Variants in PPP4R4 observed in about 807,000 individuals in gnomAD.
PPP4R4 encodes protein phosphatase 4 regulatory subunit 4.
Under a neutral mutation model 121.8 loss-of-function variants are expected in PPP4R4, and 70 were observed. The ratio of observed to expected loss-of-function variants is 0.57; its 90% CI spans 0.47 to 0.70. The LOEUF (loss-of-function observed/expected upper bound fraction) is 0.70. PPP4R4 is among the 30% of genes least tolerant of loss of function. PPP4R4 has a pLI of 0.00. For synonymous variants in PPP4R4, 348 were observed against 355.7 expected (o/e 0.98, Z 0.24); for missense variants, 875 against 1,033.6 (o/e 0.85, Z 2.10).
chr14:94,268,541 A>G (rs1386993966), intron 23 of PPP4R4, among the ~76,000 whole-genome samples: 1 of 152,188 alleles, frequency 6.6e-6, no homozygotes, highest in Non-Finnish European at 1.5e-5. Context: ...TAAGTTATGT[A>G]TTTTATGAGG....
At chr14:94,247,286 C>T (rs1055087060) in intron 14 of PPP4R4, among the ~76,000 whole-genome samples, 1 of 152,214 alleles carries the variant, frequency 6.6e-6, no homozygotes, top group African/African-American at 2.4e-5. Context: ...GGGACAAGCC[C>T]AACTGGTCAG....
chr14:94,189,909 G>A (rs1330593133), intron 2 of PPP4R4, among the ~76,000 whole-genome samples: 1 of 152,200 alleles, frequency 6.6e-6, no homozygotes, highest in Non-Finnish European at 1.5e-5. Context: ...TCCAGAACCA[G>A]TGCCTGGCAC....
At chr14:94,186,736 T>A (rs1390617622) in intron 2 of PPP4R4, among the ~76,000 whole-genome samples, 1 of 152,206 alleles carries the variant, frequency 6.6e-6, no homozygotes, top group African/African-American at 2.4e-5. Flanking sequence ...TTTGAGTTGC[T>A]CCTTATACTC....
At chr14:94,188,374 G>A (rs1595452722) in intron 2 of PPP4R4, among the ~76,000 whole-genome samples, 1 of 152,088 alleles carries the variant, frequency 6.6e-6, no homozygotes, top group East Asian at 1.9e-4. Context: ...TTATATTAAT[G>A]AGAGGATTAA....
intron 16 of PPP4R4, among the ~76,000 whole-genome samples, chr14:94,254,191 G>A (rs1210794313): frequency 1.3e-5 from 2 of 152,176 alleles, no homozygotes; most frequent in Admixed American, 1.3e-4. Flanking sequence ...GAATCATTAC[G>A]ATGGCTTGGG....
intron 2 of PPP4R4, among the ~76,000 whole-genome samples, chr14:94,183,252 C>A (rs546363537): frequency 6.6e-6 from 1 of 152,118 alleles, no homozygotes; most frequent in East Asian, 1.9e-4. Flanking sequence ...TCTAAGAGGT[C>A]CTCATTAAAA....
chr14:94,214,275 T>C (rs1890899952), intron 3 of PPP4R4, among the ~76,000 whole-genome samples: 1 of 152,192 alleles, frequency 6.6e-6, no homozygotes, highest in South Asian at 2.1e-4. Flanking sequence ...TATATAACGC[T>C]GATTTATGTT....
At chr14:94,211,553 A>G (rs1027133010) in intron 3 of PPP4R4, among the ~76,000 whole-genome samples, 1 of 152,132 alleles carries the variant, frequency 6.6e-6, no homozygotes, top group Non-Finnish European at 1.5e-5. Context: ...TGTGATTGAG[A>G]AGAGGTTAGA....
intron 12 of PPP4R4, 48 bp from the exon 13 acceptor site, chr14:94,245,539 C>T (rs1244698648): frequency 2.9e-6 from 3 of 1,021,724 alleles, no homozygotes; most frequent in Non-Finnish European, 4.2e-6. Flanking sequence ...ATTAATCTAG[C>T]AAAAACATAG....
At position 94,278,766 on chromosome 14, in the gene PPP4R4, T is replaced by G. The variant is rs1045284686; in HGVS notation, c.*123T>G. 37 of 914,978 alleles carry G rather than the reference T, an allele frequency of 4.0e-5. No individual in the cohort carries two copies. Among genetic ancestry groups the G allele is most frequent in the Non-Finnish European group, 5.2e-5 (34 of 651,286 alleles). The allele number at this position is 914,978 out of a possible 1,614,324, so 56.7% of individuals were successfully genotyped here. A position where few individuals can be genotyped will look rare whatever the true frequency, so the allele number is the denominator to read the frequency against. The stretch of plus-strand genomic sequence containing the variant: ...TTTGGGTTTTTTTTTTTGTTGTTGT[T>G]AATGAGCAGAAAGAGAGACATAATG... On this transcript the variant is annotated 3_prime_UTR_variant, in exon 25 of 25. Transcript: ENST00000304338.
intron 2 of PPP4R4, among the ~76,000 whole-genome samples, chr14:94,194,119 C>T (rs951222632): frequency 2.0e-5 from 3 of 152,192 alleles, no homozygotes; most frequent in African/African-American, 7.2e-5. Context: ...AAAATAGGTG[C>T]ATCTCCCAGT....
At chr14:94,179,210 T>C (rs1174160264) in intron 2 of PPP4R4, among the ~76,000 whole-genome samples, 1 of 152,174 alleles carries the variant, frequency 6.6e-6, no homozygotes, top group Non-Finnish European at 1.5e-5. Flanking sequence ...CCTTGTACTA[T>C]TAGCAGTTGC....
intron 2 of PPP4R4, among the ~76,000 whole-genome samples, chr14:94,177,254 G>A (rs1369126001): frequency 6.6e-6 from 1 of 152,072 alleles, no homozygotes; most frequent in Non-Finnish European, 1.5e-5. Flanking sequence ...ACTTTATGTT[G>A]ATGTTATTTT....
At chr14:94,181,107 T>A (rs76951852) in intron 2 of PPP4R4, among the ~76,000 whole-genome samples, 1,710 of 152,296 alleles carry the variant, frequency 0.011, 23 homozygotes, top group African/African-American at 0.039. Flanking sequence ...GAAAAACTCC[T>A]TTGAATGCCC....
chr14:94,231,499 C>T (rs1892034352), intron 5 of PPP4R4, among the ~76,000 whole-genome samples, 184 bp downstream of exon 5: 1 of 152,094 alleles, frequency 6.6e-6, no homozygotes, highest in Non-Finnish European at 1.5e-5. Flanking sequence ...ATTCATAGCT[C>T]TGTACTTGTC....
chr14:94,189,919 C>T (rs1177382711), intron 2 of PPP4R4, among the ~76,000 whole-genome samples: 1 of 152,190 alleles, frequency 6.6e-6, no homozygotes, highest in Non-Finnish European at 1.5e-5. Flanking sequence ...GTGCCTGGCA[C>T]CCAGCAGTTC....
intron 2 of PPP4R4, among the ~76,000 whole-genome samples, chr14:94,182,072 G>C (rs1225306255): frequency 6.6e-6 from 1 of 152,100 alleles, no homozygotes; most frequent in Non-Finnish European, 1.5e-5. Flanking sequence ...AAACACCTTT[G>C]TTTGAGAGAG....
chr14:94,187,896 A>AT (rs1167707267), intron 2 of PPP4R4, among the ~76,000 whole-genome samples: 3 of 152,118 alleles, frequency 2.0e-5, no homozygotes, highest in African/African-American at 7.2e-5. Flanking sequence ...TTATTTCATC[A>AT]TATCAGGGGG....
chr14:94,208,600 AT>A, intron 3 of PPP4R4, 34 bp downstream of exon 3: 4 of 1,525,124 alleles, frequency 2.6e-6, no homozygotes, highest in South Asian at 1.2e-5. Context: ...GGAGTTTCCC[AT>A]TTTTTCCCAG....
Sources: allele counts gnomAD v4.1 joint callset (sites outside exome capture counted in the v4.1 genomes callset), GRCh38; gene constraint gnomAD v4.1.1; transcripts MANE v1.5; gene names NCBI Gene and HGNC (gene_info 2026-07-23, HGNC 2026-07-21).